CLTC: variants seen among roughly 807,000 people sequenced by gnomAD.
CLTC encodes clathrin heavy chain 1.
CLTC carries 16 observed loss-of-function variants against 195.8 expected under a neutral mutation model. The ratio of observed to expected loss-of-function variants is 0.08; its 90% confidence interval spans 0.06 to 0.12. CLTC has a LOEUF of 0.12. Among genes scored for constraint, CLTC ranks in the 10% least tolerant of loss-of-function variants. The pLI is 1.00. For missense variants in CLTC, 796 were observed against 2,027.0 expected (o/e 0.39, Z 11.66); for synonymous variants, 667 against 689.4 (o/e 0.97, Z 0.51).
chr17:59,647,845 T>G (rs545960733), intron 3 of CLTC, among the ~76,000 whole-genome samples, 179 bp downstream of exon 3: 140 of 152,210 alleles, frequency 9.2e-4, no homozygotes, highest in African/African-American at 3.2e-3. Flanking sequence ...CTCCCTTCTC[T>G]TCTTCCTCGC....
intron 1 of CLTC, among the ~76,000 whole-genome samples, chr17:59,638,567 G>C (rs942956044): frequency 6.6e-6 from 1 of 152,002 alleles, no homozygotes; most frequent in South Asian, 2.1e-4. Flanking sequence ...GGGTGGGAGT[G>C]GGGGTGGGAT....
intron 1 of CLTC, among the ~76,000 whole-genome samples, chr17:59,624,041 C>A (rs139077074): frequency 6.6e-6 from 1 of 152,144 alleles, no homozygotes; most frequent in Non-Finnish European, 1.5e-5. Context: ...AAAGTTTTAA[C>A]TGAATACTGT....
chr17:59,655,877 G>A lies in CLTC; in HGVS notation c.819G>A (p.Val273=), dbSNP rs766527171. ...AGATCAGTGAAAAGCATGATGTGGT[G>A]TTCTTGATAACCAAGTATGGTTATA... The part of the protein sequence containing the change: ...AMQISEKHDV[V]FLITKYGYIH... Residue 273 remains valine, a synonymous_variant, in exon 6 of 32, where the codon GTG becomes GTA. Coordinates refer to ENST00000269122, the MANE Select transcript of CLTC (RefSeq NM_004859.4). 1 of 1,592,072 alleles carries A rather than the reference G, an allele frequency of 6.3e-7. No homozygotes were observed. The highest frequency in any genetic ancestry group is 8.5e-7 in the Non-Finnish European group (1 of 1,173,064).
chr17:59,683,148 T>C lies in CLTC; in HGVS notation c.3927T>C (p.Leu1309=), dbSNP rs748152023. 6.2e-7 allele frequency: 1 copy of C among 1,614,170 alleles called. No individual in the cohort carries two copies. Among genetic ancestry groups the C allele is most frequent in the South Asian group, 1.1e-5 (1 of 91,086 alleles). The stretch of plus-strand genomic sequence containing the variant: ...CCATGTTGGAAGCAGCACTGGGACT[T>C]GAGCGAGCTCACATGGGAATGTTTA... ...LITMLEAALG[L]ERAHMGMFTE... Residue 1309 remains leucine, a synonymous_variant, in exon 25 of 32, where the codon CTT becomes CTC. Transcript: ENST00000269122. This position sits in a 1 kb window ranked among gnomAD's most constrained non-coding sequence, Gnocchi z 6.1.
At chr17:59,628,564 A>G (rs2031617825) in intron 1 of CLTC, among the ~76,000 whole-genome samples, 1 of 152,214 alleles carries the variant, frequency 6.6e-6, no homozygotes, top group Non-Finnish European at 1.5e-5. Context: ...CATTTTCTGC[A>G]TCCGTCGATT....
chr17:59,634,406 T>C (rs979106705), intron 1 of CLTC, among the ~76,000 whole-genome samples: 1 of 152,214 alleles, frequency 6.6e-6, no homozygotes, highest in Non-Finnish European at 1.5e-5. Context: ...TTGGTTAACA[T>C]TGGCCTAATT....
intron 6 of CLTC, among the ~76,000 whole-genome samples, chr17:59,656,886 C>A (rs919711317): frequency 2.0e-5 from 3 of 151,848 alleles, no homozygotes; most frequent in African/African-American, 7.3e-5. Context: ...TTTGGCCAGG[C>A]TGGTCTCAAA....
Position 59,641,398 on chromosome 17 carries a change from C to T in CLTC, c.43-2878C>T, listed in dbSNP as rs192722186. Among the ~76,000 whole-genome samples, 1,310 of 151,688 alleles carry T rather than the reference C, an allele frequency of 8.6e-3. 11 individuals carry two copies. Among genetic ancestry groups the T allele is most frequent in the African/African-American group, 0.029 (1,182 of 41,340 alleles). On this transcript the variant is annotated intron_variant, in intron 1 of 31. Coordinates refer to ENST00000269122, the MANE Select transcript of CLTC (RefSeq NM_004859.4). ...CAGGTGGACCATGAGGTCAGGAGAT[C>T]GAGACCATCCTGGCCAACATGGTGA...
At chr17:59,669,301 C>T (rs565583238) in intron 14 of CLTC, among the ~76,000 whole-genome samples, 1 of 152,116 alleles carries the variant, frequency 6.6e-6, no homozygotes, top group South Asian at 2.1e-4. Context: ...CTCTTCATAC[C>T]ATTTTGAGGA....
intron 31 of CLTC, among the ~76,000 whole-genome samples, chr17:59,691,658 T>A (rs2033304302): frequency 6.8e-6 from 1 of 148,108 alleles, no homozygotes; most frequent in Non-Finnish European, 1.5e-5. Context: ...TACATATATA[T>A]ATATATAACC....
chr17:59,693,038 G>A (rs917736649), intron 31 of CLTC, among the ~76,000 whole-genome samples: 1 of 152,142 alleles, frequency 6.6e-6, no homozygotes, highest in African/African-American at 2.4e-5. Context: ...GTTTAAATCA[G>A]AAATTTAAAT....
chr17:59,691,027 A>G (rs1271705931), intron 31 of CLTC, among the ~76,000 whole-genome samples: 1 of 152,216 alleles, frequency 6.6e-6, no homozygotes, highest in East Asian at 1.9e-4. Flanking sequence ...TTCCATTTTC[A>G]AAAGAGCAAA....
intron 1 of CLTC, among the ~76,000 whole-genome samples, chr17:59,643,557 G>A (rs1169161096): frequency 6.6e-6 from 1 of 152,050 alleles, no homozygotes; most frequent in South Asian, 2.1e-4. Flanking sequence ...TAGCTTGTTG[G>A]TCTGGCCCTT....
In CLTC at chr17:59,685,211, A is replaced by G. The variant is rs764750238; in HGVS notation, c.4590A>G (p.Lys1530=). ...AACAGAGTGTAGAGCTGTGCAAGAA[A>G]GACAGCCTTTACAAGGTTGATAAAG... The part of the protein sequence containing the change: ...RWKQSVELCK[K]DSLYKDAMQY... The change falls in exon 29 of 32, where the codon AAA becomes AAG. Residue 1530 remains lysine, a synonymous_variant. Coordinates refer to ENST00000269122, the MANE Select transcript of CLTC (RefSeq NM_004859.4). The surrounding 1 kb of genome is among the most constrained non-coding windows in gnomAD (Gnocchi z 5.0). 1.3e-6 allele frequency: 2 copies of G among 1,583,560 alleles called. No individual in the cohort carries two copies. Among genetic ancestry groups the G allele is most frequent in the Non-Finnish European group, 8.6e-7 (1 of 1,160,158 alleles).
intron 7 of CLTC, among the ~76,000 whole-genome samples, chr17:59,661,088 A>G (rs1454325921): frequency 1.3e-5 from 2 of 152,230 alleles, no homozygotes; most frequent in Admixed American, 1.3e-4. Context: ...TGAACTTGGG[A>G]TAATACTTAG....
chr17:59,680,719 A>C (rs3817158), intron 18 of CLTC, among the ~76,000 whole-genome samples, 193 bp from the exon 19 acceptor site: 27,894 of 152,208 alleles, frequency 0.18, 3,446 homozygotes, highest in East Asian at 0.44. Context: ...AAATTATATA[A>C]TTAGAGTAAT....
chr17:59,646,827 T>TA (rs2143504326), intron 2 of CLTC, among the ~76,000 whole-genome samples: 1 of 152,322 alleles, frequency 6.6e-6, no homozygotes. Flanking sequence ...CCAGCACCTC[T>TA]ACCTTCCCTT....
intron 4 of CLTC, among the ~76,000 whole-genome samples, 154 bp from the exon 5 acceptor site, chr17:59,651,049 C>T (rs923713543): frequency 6.6e-6 from 1 of 151,986 alleles, no homozygotes; most frequent in East Asian, 1.9e-4. Context: ...CTTTTTATTA[C>T]CAAGTATTCC....
In CLTC at chr17:59,685,486, CA is replaced by C. The variant is rs1233364143; in HGVS notation, c.4606-97del. The C allele has an allele frequency of 1.1e-5, 13 of 1,131,568 alleles. No individual in the cohort carries two copies. The African/African-American group carries it at 2.1e-4, about 18-fold the overall frequency. The allele number at this position is 1,131,568 out of a possible 1,614,324, so 70.1% of individuals were successfully genotyped here. A position where few individuals can be genotyped will look rare whatever the true frequency, so the allele number is the denominator to read the frequency against. On this transcript the variant is annotated intron_variant, in intron 29 of 31. Transcript: ENST00000269122. This position sits in a 1 kb window ranked among gnomAD's most constrained non-coding sequence, Gnocchi z 5.0. ...CAACTAGGAGGCTTTTTTCCCCTTG[CA>C]AAACCAGATTTATATTGGAAAGTTT...
Sources: gnomAD v4.1 joint callset for allele counts (sites outside exome capture counted in the v4.1 genomes callset) on GRCh38, gnomAD v4.1.1 for gene constraint, Gnocchi (gnomAD v3.1) non-coding constraint, MANE v1.5 for transcripts, NCBI Gene and HGNC (gene_info 2026-07-23, HGNC 2026-07-21) for gene names.